COL4A3: variants seen among roughly 807,000 people sequenced by gnomAD.
COL4A3 encodes the protein collagen type IV alpha 3 chain, also known as collagen alpha-3(IV) chain.
In COL4A3, 135 loss-of-function variants were observed where a neutral mutation model predicts 217.4. The observed-to-expected ratio is 0.62, with a 90% CI of 0.54 to 0.72. COL4A3 has a LOEUF of 0.72. COL4A3 is among the 30% of genes least tolerant of loss of function. The pLI, the probability that COL4A3 is intolerant of heterozygous loss-of-function variation, is 0.00. For synonymous variants in COL4A3, 690 were observed against 736.3 expected (o/e 0.94, Z 1.02); for missense variants, 1,868 against 2,119.9 (o/e 0.88, Z 2.33).
intron 3 of COL4A3, 53 bp from the exon 4 acceptor site, chr2:227,244,267 A>G (rs2069187384): frequency 6.6e-7 from 1 of 1,514,284 alleles, no homozygotes; most frequent in African/African-American, 1.4e-5. Flanking sequence ...TGGGTTTCTT[A>G]GTGCCAAATA....
chr2:227,284,094 C>A (rs1029699679), intron 33 of COL4A3, 117 bp from the exon 34 acceptor site: 1 of 1,386,216 alleles, frequency 7.2e-7, no homozygotes. Flanking sequence ...AAGTTCTCAG[C>A]ACTGTTAGCC....
chr2:227,176,687 A>T (rs1176082998), intron 1 of COL4A3, among the ~76,000 whole-genome samples: 1 of 152,208 alleles, frequency 6.6e-6, no homozygotes, highest in Non-Finnish European at 1.5e-5. Context: ...CAGTCAGGTC[A>T]TTGGATTTTT....
At position 227,249,230 on chromosome 2, in the gene COL4A3, A is replaced by ATATATATATAT; in HGVS notation, c.546+711_546+712insATATATATATT. On this transcript the variant is annotated intron_variant, in intron 9 of 51. Transcript: ENST00000396578. ...TTAGCTAGTATATATATATATATAT[A>ATATATATATAT]TTTTTTTTTTTTTTTTTTTTTTTGA... is the stretch of plus-strand genomic sequence containing the variant. Among the ~76,000 whole-genome samples the ATATATATATAT allele has an allele frequency of 4.6e-3, 67 of 14,706 alleles. 8 individuals carry two copies. Among genetic ancestry groups the ATATATATATAT allele is most frequent in the East Asian group, 0.019 (7 of 376 alleles). 9.6% of individuals were successfully genotyped at this position (14,706 alleles called of 152,430 possible). A position where few individuals can be genotyped will look rare whatever the true frequency, so the allele number is the denominator to read the frequency against.
At position 227,254,400 on chromosome 2, in the gene COL4A3, G is replaced by C. The variant is rs112377228; in HGVS notation, c.828+226G>C. ...CATGAATACACTAGAGTTATTTTAC[G>C]GCCACTCCTAGCTGAAATCCTTGCA... On this transcript the variant is annotated intron_variant, in intron 14 of 51. Coordinates refer to ENST00000396578, the MANE Select transcript of COL4A3 (RefSeq NM_000091.5). Among the ~76,000 whole-genome samples the C allele has an allele frequency of 4.0e-3, 603 of 152,020 alleles. 4 individuals are homozygous for C. The highest frequency in any genetic ancestry group is 0.014 in the African/African-American group (588 of 41,482).
At chr2:227,213,155 GTT>G (rs1333363655) in intron 1 of COL4A3, among the ~76,000 whole-genome samples, 3 of 152,298 alleles carry the variant, frequency 2.0e-5, no homozygotes, top group African/African-American at 7.2e-5. Flanking sequence ...TGAAAATTAA[GTT>G]TCTTAGGATG....
rs1215115431 is a variant in COL4A3 at position 227,251,387 on chromosome 2, TATG to T, written c.645+20_645+22del. The T allele has an allele frequency of 6.2e-7, 1 of 1,611,522 alleles. No individual in the cohort carries two copies. Among genetic ancestry groups the T allele is most frequent in the East Asian group, 2.2e-5 (1 of 44,822 alleles). Reference sequence around the variant, plus strand: ...AGGACCTAAGGTAGACTACAGTTCATATGATGTAACAGCTAGCACACCCTACTC... The same window carrying T: ...AGGACCTAAGGTAGACTACAGTTCATATGTAACAGCTAGCACACCCTACTC... On this transcript the variant is annotated intron_variant, in intron 11 of 51. Transcript: ENST00000396578.
At chr2:227,276,604 G>A in intron 27 of COL4A3, 127 bp downstream of exon 27, 2 of 759,720 alleles carry the variant, frequency 2.6e-6, no homozygotes, top group Non-Finnish European at 4.6e-6. Context: ...AGAGCACAGG[G>A]CAGTGTCTTA....
chr2:227,278,125 C>CTTT (rs34342727), intron 28 of COL4A3, among the ~76,000 whole-genome samples: 9 of 150,190 alleles, frequency 6.0e-5, no homozygotes, highest in Admixed American at 1.3e-4. Flanking sequence ...GTATACATTT[C>CTTT]TTTTTTTTTT....
chr2:227,208,406 G>A (rs117261680), intron 1 of COL4A3, among the ~76,000 whole-genome samples: 2,088 of 152,206 alleles, frequency 0.014, 23 homozygotes, highest in Middle Eastern at 0.065. Flanking sequence ...GAGACATTTT[G>A]TAGACCCTGC....
chr2:227,176,430 G>A (rs542713660), intron 1 of COL4A3, among the ~76,000 whole-genome samples: 13 of 152,110 alleles, frequency 8.5e-5, no homozygotes, highest in Middle Eastern at 3.4e-3. Flanking sequence ...TAATTATTGC[G>A]GTGAGATCAT....
Position 227,250,627 on chromosome 2 carries a change from A to T in COL4A3, c.547-513A>T, listed in dbSNP as rs1477409984. ...TGAGTAATAAATGCTAAAAGTAAAA[A>T]TAATGCACGAAAGCAGGATAGGAAG... On this transcript the variant is annotated intron_variant, in intron 9 of 51. Transcript: ENST00000396578. This position sits in a 1 kb window ranked among gnomAD's most constrained non-coding sequence, Gnocchi z 4.1. 6.6e-6 allele frequency among the ~76,000 whole-genome samples: 1 copy of T among 152,216 alleles called. No homozygotes were observed. The highest frequency in any genetic ancestry group is 2.4e-5 in the African/African-American group (1 of 41,446).
At chr2:227,290,718 T>C (rs754879621) in intron 36 of COL4A3, 29 bp from the exon 37 acceptor site, 2 of 1,609,698 alleles carry the variant, frequency 1.2e-6, no homozygotes, top group East Asian at 2.2e-5. Flanking sequence ...GTTTATCTAT[T>C]TTACTCTATG....
rs775823265 is a variant in COL4A3, at chr2:227,309,232, G to C, written c.4669G>C (p.Ala1557Pro). 10 of 1,614,184 alleles carry C rather than the reference G, an allele frequency of 6.2e-6. No individual in the cohort carries two copies. The East Asian group carries it at 2.2e-4, about 36-fold the overall frequency. The stretch of plus-strand genomic sequence containing the variant: ...CACTGTTTGTGAAGGTCCTGCGATC[G>C]CCATAGCCGTTCACAGCCAAACCAC... ...RCTVCEGPAI[A>P]IAVHSQTTDI... The change falls in exon 50 of 52, where the codon GCC (alanine) becomes CCC (proline). Residue 1557 changes from alanine (A) to proline (P), a missense_variant. Ala to Pro is a conservative substitution (Grantham distance 27). This residue lies in a region of COL4A3 where 1,503 missense variants were observed against 1,786.1 expected (regional missense o/e 0.84). Coordinates refer to ENST00000396578, the MANE Select transcript of COL4A3 (RefSeq NM_000091.5).
chr2:227,205,710 A>G (rs199730930), intron 1 of COL4A3, among the ~76,000 whole-genome samples: 1 of 149,574 alleles, frequency 6.7e-6, no homozygotes, highest in Non-Finnish European at 1.5e-5. Context: ...TTCAACAAAT[A>G]TTTTTTTTTT....
rs374779906 is a variant in COL4A3 at position 227,203,049 on chromosome 2, A to C, written c.88-34919A>C. The stretch of plus-strand genomic sequence containing the variant: ...TGTGTATATATACATATATGTGTAT[A>C]TATGTGTATATATACATATATGTGT... On this transcript the variant is annotated intron_variant, in intron 1 of 51. Coordinates refer to ENST00000396578, the MANE Select transcript of COL4A3 (RefSeq NM_000091.5). Among the ~76,000 whole-genome samples the C allele has an allele frequency of 5.5e-5, 2 of 36,190 alleles. 1 individual carries two copies. Among genetic ancestry groups the C allele is most frequent in the East Asian group, 2.9e-3 (2 of 686 alleles). 23.7% of individuals were successfully genotyped at this position (36,190 alleles called of 152,430 possible). A position where few individuals can be genotyped will look rare whatever the true frequency, so the allele number is the denominator to read the frequency against.
At chr2:227,243,403 A>G (rs903413249) in intron 3 of COL4A3, among the ~76,000 whole-genome samples, 6 of 152,192 alleles carry the variant, frequency 3.9e-5, no homozygotes, top group African/African-American at 7.2e-5. Flanking sequence ...TGTTTTCTGC[A>G]TGAAAAAAGT....
chr2:227,192,435 A>T (rs957591676), intron 1 of COL4A3, among the ~76,000 whole-genome samples: 6 of 15,744 alleles, frequency 3.8e-4, no homozygotes, highest in Admixed American at 1.7e-3. Context: ...GCAGGATGAA[A>T]ACCAACCTTT....
At chr2:227,165,251 G>A (rs1021774534) in intron 1 of COL4A3, among the ~76,000 whole-genome samples, 1 of 152,154 alleles carries the variant, frequency 6.6e-6, no homozygotes. Flanking sequence ...AGTCCCAGCC[G>A]CCACTTCCTA....
intron 30 of COL4A3, 94 bp from the exon 31 acceptor site, chr2:227,280,799 G>T (rs1464669359): frequency 1.8e-6 from 2 of 1,086,092 alleles, no homozygotes; most frequent in East Asian, 5.2e-5. Flanking sequence ...ATCTGATTTA[G>T]GTGGAAAAAA....
Sources: allele counts gnomAD v4.1 joint callset (sites outside exome capture counted in the v4.1 genomes callset), GRCh38; gene constraint gnomAD v4.1.1; regional missense constraint gnomAD v4.1.1; non-coding constraint Gnocchi (gnomAD v3.1); transcripts MANE v1.5; gene names NCBI Gene and HGNC (gene_info 2026-07-23, HGNC 2026-07-21).